Variants in CUL4A observed in about 807,000 individuals in gnomAD.
CUL4A encodes the protein cullin-4A.
A neutral mutation model predicts 95.5 loss-of-function variants in CUL4A; 16 were observed. The ratio of observed to expected loss-of-function variants is 0.17; its 90% confidence interval spans 0.11 to 0.25. The LOEUF (loss-of-function observed/expected upper bound fraction) is 0.25, where lower values mean the gene tolerates loss of function less well. CUL4A is among the 10% of genes least tolerant of loss of function. CUL4A has a pLI of 1.00. For synonymous variants in CUL4A, 380 were observed against 353.1 expected, an observed-to-expected ratio of 1.08 and a Z score of -0.85; for missense variants, 610 against 937.0, an observed-to-expected ratio of 0.65 and a Z score of 4.56.
chr13:113,225,339 A>G (rs543579124), intron 3 of CUL4A, among the ~76,000 whole-genome samples: 1 of 152,352 alleles, frequency 6.6e-6, no homozygotes, highest in South Asian at 2.1e-4. Flanking sequence ...TGATGTTTAG[A>G]AGGCCAAAGC....
chr13:113,258,789 A>G (rs1028333659), intron 18 of CUL4A, among the ~76,000 whole-genome samples: 20 of 152,218 alleles, frequency 1.3e-4, no homozygotes, highest in Admixed American at 1.1e-3. Context: ...TCGTCAGCCA[A>G]CGCTTTCCTG....
intron 3 of CUL4A, among the ~76,000 whole-genome samples, chr13:113,223,916 G>A (rs529960687): frequency 2.6e-5 from 4 of 152,222 alleles, no homozygotes; most frequent in South Asian, 2.1e-4. Flanking sequence ...TCTTGGTGAC[G>A]TCCCTTCCTC....
At chr13:113,229,392 TC>T in intron 4 of CUL4A, 53 bp from the exon 5 acceptor site, 1 of 1,497,744 alleles carries the variant, frequency 6.7e-7, no homozygotes, top group South Asian at 1.1e-5. Context: ...GCCTGATCTT[TC>T]ATATTTTGCT....
At position 113,253,074 on chromosome 13, in the gene CUL4A, C is replaced by T; in HGVS notation, c.1639-8C>T. ...GGCATAATTTTGTTGTTCTCCTATG[C>T]TTAACAGATGATTAAACTTCAGGAA... On this transcript the variant is annotated splice_polypyrimidine_tract_variant and splice_region_variant and intron_variant, in intron 15 of 19. Coordinates refer to ENST00000375440, the MANE Select transcript of CUL4A (RefSeq NM_001008895.4). 1 of 1,521,404 alleles carries T rather than the reference C, an allele frequency of 6.6e-7. No individual in the cohort carries two copies. The highest frequency in any genetic ancestry group is 9.1e-7 in the Non-Finnish European group (1 of 1,104,794). 94.2% of individuals were successfully genotyped at this position (1,521,404 alleles called of 1,614,324 possible).
At chr13:113,245,443 G>A (rs1040150708) in intron 14 of CUL4A, among the ~76,000 whole-genome samples, 1 of 152,134 alleles carries the variant, frequency 6.6e-6, no homozygotes, top group African/African-American at 2.4e-5. Context: ...AGCTACTGGG[G>A]TAGGGCTGAA....
At chr13:113,223,250 C>A (rs1401384177) in intron 3 of CUL4A, among the ~76,000 whole-genome samples, 1 of 152,132 alleles carries the variant, frequency 6.6e-6, no homozygotes, top group Non-Finnish European at 1.5e-5. Context: ...CCCAGTCTCA[C>A]CTGGGGAAAT....
At chr13:113,239,377 AGTT>A (rs1483898631) in intron 9 of CUL4A, 53 bp from the exon 10 acceptor site, 6 of 1,418,120 alleles carry the variant, frequency 4.2e-6, no homozygotes, top group South Asian at 1.2e-5. Context: ...ATTCTAGTTG[AGTT>A]GTTGTTAATG....
At chr13:113,229,818 G>T (rs1003253268) in intron 5 of CUL4A, 1 of 473,862 alleles carries the variant, frequency 2.1e-6, no homozygotes, top group Non-Finnish European at 3.7e-6. Context: ...AGCCTGGAGC[G>T]GCTCTTTCCA....
chr13:113,229,726 C>T, intron 5 of CUL4A: 1 of 539,880 alleles, frequency 1.9e-6, no homozygotes. Flanking sequence ...AGGAGTGGAG[C>T]AGGAAGCTCG....
intron 15 of CUL4A, among the ~76,000 whole-genome samples, chr13:113,249,380 G>A (rs2041936900): frequency 6.6e-6 from 1 of 151,696 alleles, no homozygotes; most frequent in African/African-American, 2.4e-5. Context: ...TTCCATCCAT[G>A]CTGTACCATA....
At chr13:113,245,865 T>G in intron 14 of CUL4A, 91 bp from the exon 15 acceptor site, 1 of 971,706 alleles carries the variant, frequency 1.0e-6, no homozygotes, top group Non-Finnish European at 1.5e-6. Context: ...AGATGAAACT[T>G]TATATTGAAA....
chr13:113,217,964 C>T (rs560326174), intron 2 of CUL4A, among the ~76,000 whole-genome samples: 12 of 152,332 alleles, frequency 7.9e-5, no homozygotes, highest in Admixed American at 5.9e-4. Flanking sequence ...CAGCTGGGCA[C>T]GGTGGCTCAT....
rs2042368586 is a variant in CUL4A, at chr13:113,264,703, C to G, written c.*1121C>G. The G allele has an allele frequency of 6.6e-6, 1 of 152,574 alleles. No individual in the cohort carries two copies. Among genetic ancestry groups the G allele is most frequent in the African/African-American group, 2.4e-5 (1 of 41,420 alleles). 9.5% of individuals were successfully genotyped at this position (152,574 alleles called of 1,614,324 possible). The stretch of plus-strand genomic sequence containing the variant: ...CATGTTTCATTTTGATTAAAAGCTA[C>G]CAAAGGAATTTTGATCATGGCATAA... On this transcript the variant is annotated 3_prime_UTR_variant, in exon 20 of 20. Coordinates refer to ENST00000375440, the MANE Select transcript of CUL4A (RefSeq NM_001008895.4).
intron 18 of CUL4A, among the ~76,000 whole-genome samples, chr13:113,256,392 G>T (rs575392938): frequency 6.6e-6 from 1 of 152,240 alleles, no homozygotes; most frequent in East Asian, 1.9e-4. Flanking sequence ...AGACATTTCT[G>T]TGCACTTGTT....
chr13:113,260,583 A>G, intron 18 of CUL4A, 24 bp from the exon 19 acceptor site: 5 of 1,579,954 alleles, frequency 3.2e-6, no homozygotes, highest in Non-Finnish European at 4.3e-6. Context: ...TTTACACTTA[A>G]CTTTTTTTTT....
At position 113,209,647 on chromosome 13, in the gene CUL4A, G is replaced by A. The variant is rs1462156340; in HGVS notation, c.20G>A (p.Arg7Gln). MADEAP[R>Q]KGSFSALVGR... ...CCAGCCATGGCGGACGAGGCCCCGC[G>A]GAAGGGCAGCTTCTCGGCGCTCGTG... The change falls in exon 1 of 20, where the codon CGG (arginine) becomes CAG (glutamine). Residue 7 changes from arginine to glutamine, a missense_variant. This residue lies in a region of CUL4A where 168 missense variants were observed against 185.5 expected (regional missense o/e 0.91). Transcript: ENST00000375440. The A allele has an allele frequency of 9.0e-7, 1 of 1,111,806 alleles. No individual in the cohort carries two copies. Among genetic ancestry groups the A allele is most frequent in the African/African-American group, 1.7e-5 (1 of 59,742 alleles). The allele number at this position is 1,111,806 out of a possible 1,614,324, so 68.9% of individuals were successfully genotyped here.
chr13:113,224,156 T>C (rs1156852719), intron 3 of CUL4A, among the ~76,000 whole-genome samples: 1 of 152,114 alleles, frequency 6.6e-6, no homozygotes, highest in Non-Finnish European at 1.5e-5. Context: ...ATCGAGACCA[T>C]CCTGGCTAAC....
intron 2 of CUL4A, among the ~76,000 whole-genome samples, chr13:113,214,523 A>G (rs2040571918): frequency 1.3e-5 from 2 of 152,040 alleles, no homozygotes; most frequent in Non-Finnish European, 2.9e-5. Context: ...GCCCTTTAAA[A>G]AAAAAGAGAG....
At chr13:113,223,389 T>C (rs1566330163) in intron 3 of CUL4A, among the ~76,000 whole-genome samples, 1 of 152,122 alleles carries the variant, frequency 6.6e-6, no homozygotes, top group East Asian at 1.9e-4. Context: ...ATTTAAGTAA[T>C]TTGTTGTTGT....
Sources: allele counts gnomAD v4.1 joint callset (sites outside exome capture counted in the v4.1 genomes callset), GRCh38; gene constraint gnomAD v4.1.1; regional missense constraint gnomAD v4.1.1; transcripts MANE v1.5; gene names NCBI Gene and HGNC (gene_info 2026-07-23, HGNC 2026-07-21).